The following GSE1 variants were observed in gnomAD, a reference collection of about 807,000 sequenced individuals.
The protein encoded by GSE1 is genetic suppressor element 1.
In GSE1, 32 loss-of-function variants were observed where a neutral mutation model predicts 112.6. The ratio of observed to expected loss-of-function variants is 0.28; its 90% confidence interval spans 0.21 to 0.38. The LOEUF (loss-of-function observed/expected upper bound fraction) is 0.38. GSE1 is among the 10% of genes least tolerant of loss of function. The probability of loss-of-function intolerance (pLI) is 1.00; values close to 1 mark genes in which losing one functional copy is unlikely to be tolerated. For missense variants in GSE1, 2,348 were observed against 1,699.2 expected, an observed-to-expected ratio of 1.38 and a Z score of -6.71; for synonymous variants, 1,115 against 735.6, an observed-to-expected ratio of 1.52 and a Z score of -8.35.
intron 2 of GSE1, among the ~76,000 whole-genome samples, chr16:85,639,440 C>T (rs1246975968): frequency 2.0e-5 from 3 of 152,236 alleles, no homozygotes; most frequent in Admixed American, 1.3e-4. Context: ...GGGTCCCAGC[C>T]CTGTGTCCCA....
At chr16:85,403,222 AAG>A (rs2048160638) in intron 2 of GSE1, among the ~76,000 whole-genome samples, 1 of 152,124 alleles carries the variant, frequency 6.6e-6, no homozygotes, top group Admixed American at 6.5e-5. Flanking sequence ...GGGGGAGGGT[AAG>A]AGAGGGCACA....
chr16:85,657,491 G>C lies in GSE1; in HGVS notation c.1527G>C (p.Glu509Asp). ...ARQRRLRQEK[E>D]DRQSQVSEFR... ...AGCGGCGGCTGCGGCAGGAGAAGGA[G>C]GACCGGCAGTCTCAGGTGTCCGAGT... The change falls in exon 8 of 16, where the codon GAG becomes GAC. Residue 509 changes from glutamate to aspartate, a missense_variant. Transcript: ENST00000253458. 7 of 1,607,198 alleles carry C rather than the reference G, an allele frequency of 4.4e-6. No individual in the cohort carries two copies. The highest frequency in any genetic ancestry group is 5.9e-6 in the Non-Finnish European group (7 of 1,177,442).
At chr16:85,470,137 C>G (rs2050242072) in intron 2 of GSE1, among the ~76,000 whole-genome samples, 1 of 152,244 alleles carries the variant, frequency 6.6e-6, no homozygotes, top group African/African-American at 2.4e-5. Flanking sequence ...TTTATCACCT[C>G]CCACCCCTCT....
At chr16:85,430,406 A>G (rs1346081822) in intron 2 of GSE1, among the ~76,000 whole-genome samples, 1 of 152,204 alleles carries the variant, frequency 6.6e-6, no homozygotes, top group Non-Finnish European at 1.5e-5. Flanking sequence ...AGGTTCAGCA[A>G]CTTGCCTAAG....
At chr16:85,376,358 A>G (rs2047419993) in intron 2 of GSE1, among the ~76,000 whole-genome samples, 1 of 152,194 alleles carries the variant, frequency 6.6e-6, no homozygotes, top group Non-Finnish European at 1.5e-5. Flanking sequence ...CCTGCCCGTT[A>G]GGATTACTGC....
chr16:85,453,005 G>C (rs1265520997), intron 2 of GSE1, among the ~76,000 whole-genome samples: 2 of 152,192 alleles, frequency 1.3e-5, no homozygotes, highest in African/African-American at 4.8e-5. Context: ...CCTGTGTTTT[G>C]GTTTTCTGTC....
intron 1 of GSE1, among the ~76,000 whole-genome samples, chr16:85,190,000 G>A (rs2074788941): frequency 6.6e-6 from 1 of 152,198 alleles, no homozygotes; most frequent in Non-Finnish European, 1.5e-5. Flanking sequence ...GGCTTAAGAT[G>A]TATCATCTTT....
chr16:85,478,050 C>T (rs1036898657), intron 2 of GSE1, among the ~76,000 whole-genome samples: 24 of 152,180 alleles, frequency 1.6e-4, no homozygotes, highest in Non-Finnish European at 2.6e-4. Flanking sequence ...ACCCTGGCCT[C>T]GGACATCCAC....
chr16:85,657,293 C>A lies in GSE1; in HGVS notation c.1329C>A (p.Ala443=), dbSNP rs147468139. 6.4e-7 allele frequency: 1 copy of A among 1,560,674 alleles called. No individual in the cohort carries two copies. The highest frequency in any genetic ancestry group is 8.7e-7 in the Non-Finnish European group (1 of 1,153,466). Residue 443 remains alanine, a synonymous_variant, in exon 8 of 16, where the codon GCC becomes GCA. Transcript: ENST00000253458. ...CCCCCACAGAGAAGCTGAAGGATGC[C>A]GGCCTGCAGGCGCCCAAGCCCGTCC... The part of the protein sequence containing the change: ...TPTRAEKLKD[A]GLQAPKPVQH...
rs74489825 is a variant in GSE1, at chr16:85,278,194, C to T, written c.2284-79269C>T. Among the ~76,000 whole-genome samples, 29 of 152,316 alleles carry T rather than the reference C, an allele frequency of 1.9e-4. No individual in the cohort carries two copies. In the East Asian group the frequency reaches 5.6e-3, roughly 29 times the overall value. ...CTGGTGAGGCCCCCCTGGACTCACC[C>T]TCCTGCAGCGTCAGGGGGCGGGGGT... On this transcript the variant is annotated intron_variant, in intron 1 of 2. Coordinates refer to the GSE1 transcript ENST00000637419.
chr16:85,667,471 G>T (rs572997606), intron 13 of GSE1, among the ~76,000 whole-genome samples: 37 of 152,332 alleles, frequency 2.4e-4, no homozygotes, highest in African/African-American at 8.7e-4. Flanking sequence ...CTGGGGGAGG[G>T]CAGAGCCCCA....
chr16:85,608,420 T>C (rs2047807691), upstream of GSE1, among the ~76,000 whole-genome samples: 1 of 152,126 alleles, frequency 6.6e-6, no homozygotes, highest in African/African-American at 2.4e-5. Flanking sequence ...GGTGCTCAGC[T>C]CTAGGCAGCT....
At chr16:85,642,327 T>A (rs887094419) in intron 2 of GSE1, among the ~76,000 whole-genome samples, 1 of 152,220 alleles carries the variant, frequency 6.6e-6, no homozygotes, top group African/African-American at 2.4e-5. Context: ...TATTTTGTAA[T>A]TAAAAAGAAA....
At chr16:85,200,006 C>T (rs2074999464) in intron 1 of GSE1, among the ~76,000 whole-genome samples, 1 of 152,172 alleles carries the variant, frequency 6.6e-6, no homozygotes, top group South Asian at 2.1e-4. Context: ...TTGCCCTCTT[C>T]TCTTTTTGCC....
At chr16:85,493,393 CTA>C (rs2051070316) in intron 2 of GSE1, among the ~76,000 whole-genome samples, 1 of 151,950 alleles carries the variant, frequency 6.6e-6, no homozygotes. Context: ...CTGCAGTAAA[CTA>C]TGATCACACT....
At chr16:85,189,831 C>A (rs887932888) in intron 1 of GSE1, among the ~76,000 whole-genome samples, 1 of 152,146 alleles carries the variant, frequency 6.6e-6, no homozygotes, top group Admixed American at 6.5e-5. Context: ...TCTTTATTAT[C>A]TTTCTAATGC....
At chr16:85,607,946 C>T (rs974339171), upstream of GSE1, among the ~76,000 whole-genome samples, 4 of 152,190 alleles carry the variant, frequency 2.6e-5, no homozygotes, top group African/African-American at 9.6e-5. Context: ...TCAGGCACTG[C>T]TTGGAGACCT....
chr16:85,404,295 A>G (rs1208927438), intron 2 of GSE1, among the ~76,000 whole-genome samples: 1 of 53,376 alleles, frequency 1.9e-5, no homozygotes, highest in Non-Finnish European at 3.5e-5. Flanking sequence ...TGTTACACTC[A>G]GGCCCCCCGG....
chr16:85,250,705 A>C (rs1906374575), intron 1 of GSE1, among the ~76,000 whole-genome samples: 1 of 152,180 alleles, frequency 6.6e-6, no homozygotes, highest in Non-Finnish European at 1.5e-5. Flanking sequence ...CACTGATTTA[A>C]AGTGTAGAGT....
Sources: allele counts gnomAD v4.1 joint callset (sites outside exome capture counted in the v4.1 genomes callset), GRCh38; gene constraint gnomAD v4.1.1; transcripts MANE v1.5; gene names NCBI Gene and HGNC (gene_info 2026-07-23, HGNC 2026-07-21).